LRCH1: variants seen among roughly 807,000 people sequenced by gnomAD.
LRCH1 encodes leucine rich repeats and calponin homology domain containing 1, also known as leucine-rich repeat and calponin homology domain-containing protein 1.
In LRCH1, 23 loss-of-function variants were observed where a neutral mutation model predicts 94.9. That is an observed-to-expected ratio of 0.24 (90% CI 0.17 to 0.34). LRCH1 has a LOEUF of 0.34. Among genes scored for constraint, LRCH1 ranks in the 10% least tolerant of loss-of-function variants. The pLI is 1.00. For missense variants in LRCH1, 790 were observed against 945.9 expected, an observed-to-expected ratio of 0.84 and a Z score of 2.16; for synonymous variants, 364 against 354.9, an observed-to-expected ratio of 1.03 and a Z score of -0.29.
chr13:46,672,600 C>T (rs115111549), intron 3 of LRCH1, among the ~76,000 whole-genome samples: 3,593 of 152,226 alleles, frequency 0.024, 149 homozygotes, highest in African/African-American at 0.082. Context: ...GCAGGGCTGA[C>T]GTGTAAACAG....
chr13:46,693,497 T>C (rs1360639954), intron 8 of LRCH1, among the ~76,000 whole-genome samples: 1 of 152,208 alleles, frequency 6.6e-6, no homozygotes, highest in Non-Finnish European at 1.5e-5. Context: ...CACATCGCAC[T>C]GCACATGAGG....
intron 5 of LRCH1, among the ~76,000 whole-genome samples, chr13:46,687,499 C>G (rs1024652690): frequency 1.3e-5 from 2 of 152,144 alleles, no homozygotes; most frequent in African/African-American, 4.8e-5. Context: ...TCTATCAGCT[C>G]GAAAATAATT....
intron 1 of LRCH1, among the ~76,000 whole-genome samples, chr13:46,603,384 C>T (rs2050652685): frequency 6.6e-6 from 1 of 152,080 alleles, no homozygotes; most frequent in African/African-American, 2.4e-5. Context: ...CTGTCAGCCG[C>T]CCTCCTTACA....
chr13:46,651,934 CTGGAGTG>C (rs2051307319), intron 2 of LRCH1, among the ~76,000 whole-genome samples: 2 of 146,962 alleles, frequency 1.4e-5, no homozygotes, highest in Non-Finnish European at 3.0e-5. Flanking sequence ...GTCGCCCAGG[CTGGAGTG>C]CAGTGGCGCG....
At chr13:46,599,020 C>T (rs532687002) in intron 1 of LRCH1, among the ~76,000 whole-genome samples, 1 of 152,252 alleles carries the variant, frequency 6.6e-6, no homozygotes, top group South Asian at 2.1e-4. Context: ...CCCTGGAAAC[C>T]ACCATTCTGT....
chr13:46,657,715 G>T (rs12870008), intron 2 of LRCH1, among the ~76,000 whole-genome samples: 3 of 18,422 alleles, frequency 1.6e-4, no homozygotes, highest in Non-Finnish European at 2.5e-4. Context: ...TTTTGGTAGA[G>T]ATGGAATTTT....
chr13:46,714,951 G>T (rs1872246487), intron 15 of LRCH1, among the ~76,000 whole-genome samples: 1 of 151,946 alleles, frequency 6.6e-6, no homozygotes, highest in Non-Finnish European at 1.5e-5. Context: ...GGTATGTCCA[G>T]GATTGAGAAA....
rs916989877 is a variant in LRCH1 at position 46,750,670 on chromosome 13, G to A, written c.*20G>A. ...ACATGAAACTACCCCTTCTCCATTG[G>A]GGGCTCAGACTCTGCTCTCATCCAG... is the stretch of plus-strand genomic sequence containing the variant. On this transcript the variant is annotated 3_prime_UTR_variant, in exon 19 of 19. Transcript: ENST00000311191. 5 of 1,503,536 alleles carry A rather than the reference G, an allele frequency of 3.3e-6. No homozygotes were observed. In the South Asian group the frequency reaches 3.6e-5, roughly 11 times the overall value. 93.1% of individuals were successfully genotyped at this position (1,503,536 alleles called of 1,614,324 possible). A position where few individuals can be genotyped will look rare whatever the true frequency, so the allele number is the denominator to read the frequency against.
In LRCH1 at chr13:46,614,908, A is replaced by G. The variant is rs186332342; in HGVS notation, c.308-35293A>G. Among the ~76,000 whole-genome samples, 375 of 152,330 alleles carry G rather than the reference A, an allele frequency of 2.5e-3. 2 individuals carry two copies. The highest frequency in any genetic ancestry group is 3.5e-3 in the Non-Finnish European group (239 of 68,026). Reference sequence around the variant, plus strand: ...TAATGTAGAAAACCATTTCAGAATTACTGTCTGACATTTGGGCAGCTGGGA... The same window carrying G: ...TAATGTAGAAAACCATTTCAGAATTGCTGTCTGACATTTGGGCAGCTGGGA... On this transcript the variant is annotated intron_variant, in intron 1 of 19. Coordinates refer to ENST00000389797, the MANE Select transcript of LRCH1 (RefSeq NM_001164211.2).
At chr13:46,677,287 T>C (rs1593345477) in intron 3 of LRCH1, among the ~76,000 whole-genome samples, 1 of 147,344 alleles carries the variant, frequency 6.8e-6, no homozygotes, top group Non-Finnish European at 1.5e-5. Flanking sequence ...AAGTTAGCCA[T>C]GTGTGGTGGC....
intron 13 of LRCH1, among the ~76,000 whole-genome samples, chr13:46,711,020 AAAT>A (rs1303512911): frequency 6.6e-6 from 1 of 152,112 alleles, no homozygotes; most frequent in African/African-American, 2.4e-5. Flanking sequence ...GGCACCCCAT[AAAT>A]AATAATAACT....
chr13:46,669,295 T>A, intron 3 of LRCH1, 139 bp downstream of exon 3: 2 of 905,652 alleles, frequency 2.2e-6, no homozygotes, highest in Non-Finnish European at 3.2e-6. Flanking sequence ...ATAAAGACAT[T>A]AAGTGGGGAG....
rs368768499 is a variant in LRCH1 at position 46,678,648 on chromosome 13, G to A, written c.580-3093G>A. 3.3e-4 allele frequency among the ~76,000 whole-genome samples: 50 copies of A among 152,234 alleles called. 1 individual carries two copies. The highest frequency in any genetic ancestry group is 2.5e-3 in the East Asian group (13 of 5,188). Reference sequence around the variant, plus strand: ...AGAAGGAAAAAAACTTGTATTTATCGTTACAGGAAGTTTTTTAAAGTAAAT... The same window carrying A: ...AGAAGGAAAAAAACTTGTATTTATCATTACAGGAAGTTTTTTAAAGTAAAT... On this transcript the variant is annotated intron_variant, in intron 3 of 19. Coordinates refer to ENST00000389797, the MANE Select transcript of LRCH1 (RefSeq NM_001164211.2).
chr13:46,647,123 A>G (rs1421920010), intron 1 of LRCH1, among the ~76,000 whole-genome samples: 2 of 152,052 alleles, frequency 1.3e-5, no homozygotes, highest in African/African-American at 2.4e-5. Context: ...AAAAAAAAAA[A>G]AAAAAAGAAA....
At chr13:46,558,036 TAAAC>T (rs148392778) in intron 1 of LRCH1, among the ~76,000 whole-genome samples, 190 of 151,754 alleles carry the variant, frequency 1.3e-3, no homozygotes, top group South Asian at 8.1e-3. Flanking sequence ...GACCCTGCCT[TAAAC>T]AAACAAACAA....
chr13:46,673,339 A>C (rs1353378211), intron 3 of LRCH1, among the ~76,000 whole-genome samples: 2 of 152,208 alleles, frequency 1.3e-5, no homozygotes, highest in Non-Finnish European at 2.9e-5. Context: ...GCAAAAATTT[A>C]ATAAGTGGTC....
chr13:46,602,400 A>G (rs911760764), intron 1 of LRCH1, among the ~76,000 whole-genome samples: 1 of 152,216 alleles, frequency 6.6e-6, no homozygotes. Flanking sequence ...TTCAGGGTGA[A>G]GAACATGGCT....
intron 1 of LRCH1, among the ~76,000 whole-genome samples, chr13:46,588,596 C>CT (rs139602811): frequency 0.018 from 1,827 of 100,090 alleles, 32 homozygotes; most frequent in Non-Finnish European, 0.026. Context: ...CTCTCTCTGT[C>CT]TTTTTTTTTT....
At chr13:46,567,869 T>C (rs1263557102) in intron 1 of LRCH1, among the ~76,000 whole-genome samples, 1 of 152,194 alleles carries the variant, frequency 6.6e-6, no homozygotes, top group Non-Finnish European at 1.5e-5. Flanking sequence ...TCTGAGATAA[T>C]GCGTCCTGAT....
Sources: gnomAD v4.1 joint callset for allele counts (sites outside exome capture counted in the v4.1 genomes callset) on GRCh38, gnomAD v4.1.1 for gene constraint, MANE v1.5 for transcripts, NCBI Gene and HGNC (gene_info 2026-07-23, HGNC 2026-07-21) for gene names.